PPP2R2C: variants seen among roughly 807,000 people sequenced by gnomAD.
The protein encoded by PPP2R2C is protein phosphatase 2 regulatory subunit Bgamma.
Under a neutral mutation model 45.3 loss-of-function variants are expected in PPP2R2C, and 10 were observed. That is an observed-to-expected ratio of 0.22 (90% CI 0.14 to 0.37). The LOEUF is 0.37. Ranked by LOEUF, PPP2R2C falls within the 10% of genes least tolerant of loss-of-function variation. PPP2R2C has a pLI of 1.00. For synonymous variants in PPP2R2C, 257 were observed against 245.4 expected, an observed-to-expected ratio of 1.05 and a Z score of -0.44; for missense variants, 308 against 619.7, an observed-to-expected ratio of 0.50 and a Z score of 5.34.
At position 6,324,739 on chromosome 4, in the gene PPP2R2C, G is replaced by A. The variant is rs1033548328; in HGVS notation, c.1053-1146C>T. On this transcript the variant is annotated intron_variant, in intron 8 of 8. Coordinates refer to ENST00000382599, the MANE Select transcript of PPP2R2C (RefSeq NM_020416.4). This position sits in a 1 kb window ranked among gnomAD's most constrained non-coding sequence, Gnocchi z 4.1. ...TTTCTCTGCTCTCCCTGCTCCTAAGGAGAAGGGGTTCCTGCCGGTGGGAGG... is the reference window on the plus strand; with the variant it reads ...TTTCTCTGCTCTCCCTGCTCCTAAGAAGAAGGGGTTCCTGCCGGTGGGAGG... Among the ~76,000 whole-genome samples, 5 of 152,240 alleles carry A rather than the reference G, an allele frequency of 3.3e-5. No individual in the cohort carries two copies. Among genetic ancestry groups the A allele is most frequent in the African/African-American group, 1.2e-4 (5 of 41,470 alleles).
At chr4:6,357,642 T>TGGGCCTGTG (rs1291759843) in intron 5 of PPP2R2C, among the ~76,000 whole-genome samples, 1 of 152,046 alleles carries the variant, frequency 6.6e-6, no homozygotes, top group Admixed American at 6.5e-5. Context: ...AGGTTCAATG[T>TGGGCCTGTG]CAGATGGAGC....
upstream of PPP2R2C, among the ~76,000 whole-genome samples, chr4:6,475,645 G>T (rs982639663): frequency 6.6e-6 from 1 of 152,132 alleles, no homozygotes; most frequent in Non-Finnish European, 1.5e-5. Flanking sequence ...TGGACCATGC[G>T]CCTCCCTTTA....
chr4:6,467,580 A>C (rs1188874220), intron 1 of PPP2R2C, among the ~76,000 whole-genome samples: 1 of 152,170 alleles, frequency 6.6e-6, no homozygotes, highest in Non-Finnish European at 1.5e-5. Flanking sequence ...AGGGTTCTCA[A>C]AACAGAAAGC....
intron 2 of PPP2R2C, among the ~76,000 whole-genome samples, chr4:6,512,512 T>TTGG (rs1213444911): frequency 7.8e-5 from 1 of 12,828 alleles, no homozygotes; most frequent in Non-Finnish European, 1.5e-4. Flanking sequence ...GGTGGTGATG[T>TTGG]TGGTGGTGGT....
At chr4:6,521,414 G>A (rs956404293) in intron 2 of PPP2R2C, among the ~76,000 whole-genome samples, 4 of 152,252 alleles carry the variant, frequency 2.6e-5, no homozygotes, top group African/African-American at 7.2e-5. Context: ...GCCAGAAAGC[G>A]GGGACTTCAA....
chr4:6,471,258 C>G lies in PPP2R2C; in HGVS notation c.70+902G>C, dbSNP rs980129589. ...CCCGCACTCGGGCAGGGCTCCAGCA[C>G]AGGCGGCCCCGAGCCCAGACCTCCC... On this transcript the variant is annotated intron_variant, in intron 1 of 8. Coordinates refer to ENST00000382599, the MANE Select transcript of PPP2R2C (RefSeq NM_020416.4). This position sits in a 1 kb window ranked among gnomAD's most constrained non-coding sequence, Gnocchi z 5.6. Among the ~76,000 whole-genome samples the G allele has an allele frequency of 1.3e-4, 20 of 152,176 alleles. No homozygotes were observed. The highest frequency in any genetic ancestry group is 2.0e-4 in the Admixed American group (3 of 15,292).
chr4:6,503,423 C>T (rs541994232), intron 2 of PPP2R2C, among the ~76,000 whole-genome samples: 1 of 152,356 alleles, frequency 6.6e-6, no homozygotes, highest in South Asian at 2.1e-4. Flanking sequence ...CCCCTCCCAT[C>T]ACTTTTCTTG....
At chr4:6,450,016 A>G (rs1028807601) in intron 1 of PPP2R2C, among the ~76,000 whole-genome samples, 1 of 152,122 alleles carries the variant, frequency 6.6e-6, no homozygotes, top group African/African-American at 2.4e-5. Context: ...ATTCTCTTTC[A>G]TCGAGTTGCC....
Position 6,349,397 on chromosome 4 carries a change from C to T in PPP2R2C, c.626-1387G>A, listed in dbSNP as rs888879027. 2.8e-5 allele frequency: 27 copies of T among 971,460 alleles called. No homozygotes were observed. In the African/African-American group the frequency reaches 3.9e-4, roughly 14 times the overall value. The allele number at this position is 971,460 out of a possible 1,614,324, so 60.2% of individuals were successfully genotyped here. On this transcript the variant is annotated intron_variant, in intron 5 of 8. Coordinates refer to ENST00000382599, the MANE Select transcript of PPP2R2C (RefSeq NM_020416.4). ...AGTCAGCAGTATAGCCTTATCACTT[C>T]GCTGTGAAGATCATCAGAGGCAAAG...
chr4:6,496,550 G>T (rs914553698), intron 2 of PPP2R2C, among the ~76,000 whole-genome samples: 1 of 152,156 alleles, frequency 6.6e-6, no homozygotes, highest in East Asian at 1.9e-4. Context: ...ATATTCCCTA[G>T]GCACCTTCTG....
At chr4:6,507,779 C>T (rs1274006677) in intron 2 of PPP2R2C, among the ~76,000 whole-genome samples, 1 of 152,218 alleles carries the variant, frequency 6.6e-6, no homozygotes, top group East Asian at 1.9e-4. Flanking sequence ...ATTCAATTGC[C>T]CACTCCTCAT....
chr4:6,416,976 G>T (rs1280983971), intron 1 of PPP2R2C, among the ~76,000 whole-genome samples: 1 of 152,100 alleles, frequency 6.6e-6, no homozygotes, highest in East Asian at 1.9e-4. Context: ...ACAGCCAGGG[G>T]CCACTGTACT....
chr4:6,434,427 C>G (rs933664311), intron 1 of PPP2R2C, among the ~76,000 whole-genome samples: 1 of 136,278 alleles, frequency 7.3e-6, no homozygotes, highest in African/African-American at 2.8e-5. Flanking sequence ...GGCGTGATCT[C>G]GGCTCACTGC....
At chr4:6,476,869 C>T (rs1331167828), upstream of PPP2R2C, among the ~76,000 whole-genome samples, 4 of 152,180 alleles carry the variant, frequency 2.6e-5, no homozygotes. Flanking sequence ...AAATACACTG[C>T]AGCTGACCCC....
chr4:6,444,913 A>G (rs989901698), intron 1 of PPP2R2C, among the ~76,000 whole-genome samples: 2 of 152,230 alleles, frequency 1.3e-5, no homozygotes, highest in Non-Finnish European at 2.9e-5. Context: ...GCCTGGGCAC[A>G]GTGGCTCACG....
intron 2 of PPP2R2C, among the ~76,000 whole-genome samples, chr4:6,513,050 T>C (rs1379268453): frequency 5.9e-5 from 9 of 152,140 alleles, no homozygotes; most frequent in Non-Finnish European, 1.2e-4. Context: ...TTGCTCTAAG[T>C]ATATGGGCTT....
chr4:6,395,446 G>A (rs1193843033), intron 1 of PPP2R2C, among the ~76,000 whole-genome samples: 2 of 152,206 alleles, frequency 1.3e-5, no homozygotes, highest in Admixed American at 1.3e-4. Flanking sequence ...ACCACCCGGT[G>A]TCCAGGGTAA....
intron 1 of PPP2R2C, among the ~76,000 whole-genome samples, chr4:6,561,632 C>T (rs994305482): frequency 2.6e-5 from 4 of 151,940 alleles, no homozygotes; most frequent in African/African-American, 9.7e-5. Flanking sequence ...CAAACACACA[C>T]ACAGACACAC....
chr4:6,405,498 G>A (rs1033320881), intron 1 of PPP2R2C, among the ~76,000 whole-genome samples: 3 of 152,236 alleles, frequency 2.0e-5, no homozygotes, highest in Admixed American at 2.0e-4. Flanking sequence ...GGCAGAAGGA[G>A]GATTCCGAAT....
Sources: allele counts gnomAD v4.1 joint callset (sites outside exome capture counted in the v4.1 genomes callset), GRCh38; gene constraint gnomAD v4.1.1; non-coding constraint Gnocchi (gnomAD v3.1); transcripts MANE v1.5; gene names NCBI Gene and HGNC (gene_info 2026-07-23, HGNC 2026-07-21).